The following PRR5 variants were observed in gnomAD, a reference collection of about 807,000 sequenced individuals.
PRR5 encodes the protein proline rich 5.
PRR5 carries 25 observed loss-of-function variants against 30.6 expected under a neutral mutation model. That is an observed-to-expected ratio of 0.82 (90% confidence interval 0.60 to 1.14). The LOEUF (loss-of-function observed/expected upper bound fraction) is 1.14, where lower values mean the gene tolerates loss of function less well. Among genes scored for constraint, PRR5 ranks in the 50% most tolerant of loss-of-function variants. PRR5 has a pLI of 0.00. For synonymous variants in PRR5, 286 were observed against 247.1 expected (o/e 1.16, Z -1.48); for missense variants, 600 against 547.1 (o/e 1.10, Z -0.96).
rs1048580192 is a variant in PRR5, at chr22:44,735,225, C to A, written c.691+63C>A. ...GACCACGGGCCCCATCCATTGTGAA[C>A]AAATGGGCAAGCCGAGGCCCCACGA... On this transcript the variant is annotated intron_variant, in intron 7 of 7. Transcript: ENST00000336985. The A allele has an allele frequency of 5.9e-6, 9 of 1,522,352 alleles. No individual in the cohort carries two copies. The African/African-American group carries it at 1.2e-4, about 21-fold the overall frequency. The allele number at this position is 1,522,352 out of a possible 1,614,324, so 94.3% of individuals were successfully genotyped here. A position where few individuals can be genotyped will look rare whatever the true frequency, so the allele number is the denominator to read the frequency against.
chr22:44,689,222 G>A (rs1303173582), intron 1 of PRR5, among the ~76,000 whole-genome samples: 2 of 151,978 alleles, frequency 1.3e-5, no homozygotes, highest in African/African-American at 2.4e-5. Flanking sequence ...CATTTCTTAC[G>A]GGGACCTTAC....
Position 44,731,882 on chromosome 22 carries a change from A to G in PRR5, c.414+61A>G, listed in dbSNP as rs546789879. 6.0e-3 allele frequency: 9,287 copies of G among 1,535,816 alleles called. 38 individuals carry two copies. Among genetic ancestry groups the G allele is most frequent in the South Asian group, 7.5e-3 (646 of 86,474 alleles). ...CCCCTGCTGTGCCCACCCTGGCCTC[A>G]CTCTACAGAGGGGGGCCGCCAGGCT... On this transcript the variant is annotated intron_variant, in intron 5 of 7. Transcript: ENST00000336985.
chr22:44,712,358 T>C (rs1453675557), intron 1 of PRR5, among the ~76,000 whole-genome samples: 1 of 152,168 alleles, frequency 6.6e-6, no homozygotes, highest in East Asian at 1.9e-4. Flanking sequence ...GCACCAGCTG[T>C]GGAACCTGGC....
At chr22:44,671,330 C>A (rs1047513426) in intron 1 of PRR5, among the ~76,000 whole-genome samples, 1 of 152,198 alleles carries the variant, frequency 6.6e-6, no homozygotes, top group Non-Finnish European at 1.5e-5. Flanking sequence ...TTCTTGGTGA[C>A]AAGACAGCCC....
chr22:44,670,484 A>C (rs1923359343), intron 1 of PRR5, among the ~76,000 whole-genome samples: 1 of 151,822 alleles, frequency 6.6e-6, no homozygotes, highest in Non-Finnish European at 1.5e-5. Context: ...TATTACCCCC[A>C]CTCATCCACC....
chr22:44,712,674 G>A (rs1928437706), intron 1 of PRR5, among the ~76,000 whole-genome samples: 1 of 152,228 alleles, frequency 6.6e-6, no homozygotes, highest in Non-Finnish European at 1.5e-5. Context: ...GACGTTAGGA[G>A]CATGGTGGCA....
chr22:44,689,254 C>G (rs1203735820), intron 1 of PRR5, among the ~76,000 whole-genome samples: 2 of 152,176 alleles, frequency 1.3e-5, no homozygotes, highest in African/African-American at 4.8e-5. Context: ...CACCTGCGTC[C>G]AGTTAGTCTG....
At chr22:44,683,507 G>C (rs749518173) in intron 1 of PRR5, among the ~76,000 whole-genome samples, 1 of 152,260 alleles carries the variant, frequency 6.6e-6, no homozygotes, top group Non-Finnish European at 1.5e-5. Flanking sequence ...TGAATGAGGA[G>C]CCCCCTTGGG....
chr22:44,725,941 A>G (rs903268376), intron 3 of PRR5, among the ~76,000 whole-genome samples: 2 of 152,238 alleles, frequency 1.3e-5, no homozygotes, highest in Non-Finnish European at 2.9e-5. Context: ...CTGGGATTAC[A>G]GGCGTGAGCC....
Position 44,729,523 on chromosome 22 carries a change from G to A in PRR5, c.323-2207G>A, listed in dbSNP as rs1311860703. 7 of 985,430 alleles carry A rather than the reference G, an allele frequency of 7.1e-6. No homozygotes were observed. The African/African-American group carries it at 1.2e-4, about 17-fold the overall frequency. The allele number at this position is 985,430 out of a possible 1,614,324, so 61.0% of individuals were successfully genotyped here. A position where few individuals can be genotyped will look rare whatever the true frequency, so the allele number is the denominator to read the frequency against. ...GTCCTGCCGGCAGCAAACGCCCAGT[G>A]CTGTTTCATCTCAGCTTTCGACCTG... On this transcript the variant is annotated intron_variant, in intron 4 of 7. Transcript: ENST00000336985.
intron 3 of PRR5, among the ~76,000 whole-genome samples, chr22:44,726,317 G>A (rs1423719406): frequency 6.6e-6 from 1 of 152,236 alleles, no homozygotes; most frequent in African/African-American, 2.4e-5. Context: ...CCCAGTGCAA[G>A]GAGCTCTAGG....
chr22:44,730,905 AT>A (rs1921836043), intron 4 of PRR5: 1 of 458,996 alleles, frequency 2.2e-6, no homozygotes, highest in Non-Finnish European at 4.5e-6. Context: ...TACTGCCCTT[AT>A]GATCCTGCTC....
At chr22:44,676,822 C>T (rs1040207346), upstream of PRR5, 4 of 152,332 alleles carry the variant, frequency 2.6e-5, no homozygotes, top group Non-Finnish European at 5.9e-5. Flanking sequence ...AAGGGGTGCT[C>T]TGTGGGCTTG....
intron 1 of PRR5, among the ~76,000 whole-genome samples, chr22:44,694,929 G>C (rs1384825980): frequency 1.3e-5 from 2 of 152,158 alleles, no homozygotes; most frequent in East Asian, 1.9e-4. Context: ...CTAGCACTTT[G>C]AGAGGCTGAG....
chr22:44,702,178 C>G (rs1258487125), upstream of PRR5: 2 of 924,708 alleles, frequency 2.2e-6, no homozygotes. Flanking sequence ...AGACCCGCCC[C>G]TGGGCCCGCC....
chr22:44,725,177 T>C, intron 2 of PRR5, 67 bp from the exon 3 acceptor site: 1 of 1,598,652 alleles, frequency 6.3e-7, no homozygotes, highest in South Asian at 1.1e-5. Flanking sequence ...CCCACCCCAG[T>C]CCGTGGGTCC....
intron 1 of PRR5, among the ~76,000 whole-genome samples, chr22:44,708,000 A>G (rs1256767721): frequency 6.6e-6 from 1 of 151,978 alleles, no homozygotes; most frequent in Non-Finnish European, 1.5e-5. Flanking sequence ...CTCCACACAA[A>G]TCCACCTCCA....
At chr22:44,724,622 G>C (rs1930409702) in intron 2 of PRR5, among the ~76,000 whole-genome samples, 1 of 152,144 alleles carries the variant, frequency 6.6e-6, no homozygotes. Context: ...GAGGTATGTA[G>C]GGAGGGAAGG....
intron 6 of PRR5, among the ~76,000 whole-genome samples, chr22:44,733,006 TAC>T (rs1922496830): frequency 9.4e-6 from 1 of 106,552 alleles, no homozygotes; most frequent in Admixed American, 1.0e-4. Flanking sequence ...GCACACATAC[TAC>T]ACACGTGCAC....
Sources: gnomAD v4.1 joint callset for allele counts (sites outside exome capture counted in the v4.1 genomes callset) on GRCh38, gnomAD v4.1.1 for gene constraint, MANE v1.5 for transcripts, NCBI Gene and HGNC (gene_info 2026-07-23, HGNC 2026-07-21) for gene names.